The following QTMAN variants were observed in gnomAD, a reference collection of about 807,000 sequenced individuals.
QTMAN encodes the protein tRNA-queuosine alpha-mannosyltransferase.
the QTMAN span, among the ~76,000 whole-genome samples, chr2:144,106,127 A>G: frequency 1.3e-5 from 2 of 152,190 alleles, no homozygotes; most frequent in African/African-American, 4.8e-5. Flanking sequence ...GAAAGGAACA[A>G]CCGGTATCAG....
chr2:144,105,996 A>G, the QTMAN span, among the ~76,000 whole-genome samples: 5 of 152,206 alleles, frequency 3.3e-5, no homozygotes, highest in Non-Finnish European at 7.3e-5. Context: ...TTTCATATCC[A>G]GCCAAACTAA....
the QTMAN span, among the ~76,000 whole-genome samples, chr2:144,079,239 A>G: frequency 6.6e-6 from 1 of 152,152 alleles, no homozygotes; most frequent in East Asian, 1.9e-4. Flanking sequence ...CAATTTTAAA[A>G]TTGAATGAAG....
the QTMAN span, among the ~76,000 whole-genome samples, chr2:144,246,567 G>A: frequency 3.3e-5 from 4 of 120,806 alleles, no homozygotes; most frequent in African/African-American, 1.3e-4. Flanking sequence ...GCGACAGAGC[G>A]AGACTCCGTC....
At chr2:144,041,291 C>T in the QTMAN span, among the ~76,000 whole-genome samples, 1 of 152,106 alleles carries the variant, frequency 6.6e-6, no homozygotes, top group Admixed American at 6.5e-5. Flanking sequence ...CTGGTTCCTA[C>T]ACAATCGGGG....
chr2:144,284,432 G>A, the QTMAN span, among the ~76,000 whole-genome samples: 1 of 151,776 alleles, frequency 6.6e-6, no homozygotes, highest in Non-Finnish European at 1.5e-5. Context: ...AAAAAGGAAA[G>A]TTATTAAGTT....
the QTMAN span, among the ~76,000 whole-genome samples, chr2:144,276,619 T>C: frequency 2.6e-5 from 4 of 152,240 alleles, no homozygotes; most frequent in Non-Finnish European, 5.9e-5. Context: ...GTACATTGTT[T>C]ATAGGTAAAT....
chr2:144,130,132 T>C, the QTMAN span, among the ~76,000 whole-genome samples: 1 of 151,580 alleles, frequency 6.6e-6, no homozygotes, highest in Non-Finnish European at 1.5e-5. Flanking sequence ...AATAGTAATT[T>C]ACACTTTTCC....
chr2:144,078,250 C>A, the QTMAN span, among the ~76,000 whole-genome samples: 1 of 152,188 alleles, frequency 6.6e-6, no homozygotes, highest in Non-Finnish European at 1.5e-5. Flanking sequence ...TTCCCAGTGA[C>A]AGCATATGAT....
the QTMAN span, among the ~76,000 whole-genome samples, chr2:144,159,319 T>A: frequency 2.0e-5 from 3 of 152,092 alleles, no homozygotes; most frequent in Non-Finnish European, 4.4e-5. Context: ...AAAAAAATAG[T>A]GTTAAAACGG....
the QTMAN span, chr2:144,332,367 A>T: frequency 2.8e-5 from 4 of 144,086 alleles, no homozygotes; most frequent in East Asian, 6.0e-4. Context: ...GGCGCCGGGG[A>T]GGGGAGGGGA....
the QTMAN span, among the ~76,000 whole-genome samples, chr2:144,301,513 GCAC>G: frequency 6.6e-6 from 1 of 152,084 alleles, no homozygotes; most frequent in East Asian, 1.9e-4. Flanking sequence ...ATGAGCCACC[GCAC>G]CAGGCCTTGT....
chr2:143,951,919 T>TA, the QTMAN span: 1 of 815,098 alleles, frequency 1.2e-6, no homozygotes. Flanking sequence ...TGTTTTTTTT[T>TA]AAGATTTTTC....
chr2:144,195,910 T>C, the QTMAN span, among the ~76,000 whole-genome samples: 4 of 152,120 alleles, frequency 2.6e-5, no homozygotes, highest in Admixed American at 6.6e-5. Context: ...AAAGTTATCA[T>C]CTCTTCATTC....
At chr2:144,329,395 A>G in the QTMAN span, among the ~76,000 whole-genome samples, 1 of 152,212 alleles carries the variant, frequency 6.6e-6, no homozygotes, top group East Asian at 1.9e-4. Context: ...TTAAAATATC[A>G]TTTGGGACAA....
chr2:144,309,109 T>C, the QTMAN span, among the ~76,000 whole-genome samples: 1 of 152,204 alleles, frequency 6.6e-6, no homozygotes, highest in South Asian at 2.1e-4. Context: ...TTTAAAAGAA[T>C]TATACCAAGT....
At chr2:144,094,000 A>G in the QTMAN span, among the ~76,000 whole-genome samples, 1 of 152,232 alleles carries the variant, frequency 6.6e-6, no homozygotes, top group Non-Finnish European at 1.5e-5. Context: ...TCAAGTGTAG[A>G]GCCATAATCT....
At chr2:144,015,434 G>A in the QTMAN span, among the ~76,000 whole-genome samples, 1 of 152,114 alleles carries the variant, frequency 6.6e-6, no homozygotes, top group East Asian at 1.9e-4. Flanking sequence ...CAGTGCCCAG[G>A]TAACTCCCCA....
the QTMAN span, among the ~76,000 whole-genome samples, chr2:144,062,914 T>C: frequency 6.6e-6 from 1 of 152,102 alleles, no homozygotes; most frequent in Admixed American, 6.5e-5. Flanking sequence ...CCAGAACCAG[T>C]TCCTGTACCC....
the QTMAN span, among the ~76,000 whole-genome samples, chr2:144,147,401 C>G: frequency 8.6e-5 from 13 of 151,734 alleles, no homozygotes; most frequent in Admixed American, 5.3e-4. Context: ...ACATATAAGC[C>G]TCTCTAAAAC....
Sources: gnomAD v4.1 joint callset for allele counts (sites outside exome capture counted in the v4.1 genomes callset) on GRCh38, gnomAD v4.1.1 for gene constraint, MANE v1.5 for transcripts, NCBI Gene and HGNC (gene_info 2026-07-23, HGNC 2026-07-21) for gene names.